DNTT: variants seen among roughly 807,000 people sequenced by gnomAD.
DNTT encodes nucleosidetriphosphate:DNA deoxynucleotidylexotransferase.
In DNTT, 47 loss-of-function variants were observed where a neutral mutation model predicts 60.9. The observed-to-expected ratio is 0.77, with a 90% CI of 0.61 to 0.98. DNTT has a LOEUF of 0.98. Among genes scored for constraint, DNTT ranks in the 50% least tolerant of loss-of-function variants. The probability of loss-of-function intolerance (pLI) is 0.00; values close to 1 mark genes in which losing one functional copy is unlikely to be tolerated. For missense variants in DNTT, 665 were observed against 627.5 expected, an observed-to-expected ratio of 1.06 and a Z score of -0.64; for synonymous variants, 224 against 221.2, an observed-to-expected ratio of 1.01 and a Z score of -0.11.
At position 96,329,995 on chromosome 10, in the gene DNTT, G is replaced by C. The variant is rs139043369; in HGVS notation, c.1113+1165G>C. ...CCTCCTCCTAGTCAGGAGTTTCTCA[G>C]TGTCCAGTAGGAAAAATAAAAGAAC... is the stretch of plus-strand genomic sequence containing the variant. On this transcript the variant is annotated intron_variant, in intron 8 of 10. Coordinates refer to ENST00000371174, the MANE Select transcript of DNTT (RefSeq NM_004088.4). 4.5e-4 allele frequency among the ~76,000 whole-genome samples: 69 copies of C among 152,318 alleles called. No individual in the cohort carries two copies. The East Asian group carries it at 0.012, about 27-fold the overall frequency.
chr10:96,320,933 CCT>C (rs1844862592), intron 4 of DNTT, 145 bp downstream of exon 4: 1 of 689,800 alleles, frequency 1.4e-6, no homozygotes, highest in Non-Finnish European at 2.1e-6. Context: ...CTCTCTCTCT[CCT>C]CTGTCTCTCT....
chr10:96,319,210 C>A, intron 2 of DNTT, 52 bp from the exon 3 acceptor site: 1 of 1,591,922 alleles, frequency 6.3e-7, no homozygotes, highest in Non-Finnish European at 8.6e-7. Context: ...CCGTACATAT[C>A]TGTTATTACT....
rs957253671 is a variant in DNTT, at chr10:96,317,507, G to T, written c.204-845G>T. 2.0e-5 allele frequency among the ~76,000 whole-genome samples: 3 copies of T among 152,146 alleles called. No individual in the cohort carries two copies. The South Asian group carries it at 6.2e-4, about 32-fold the overall frequency. The stretch of plus-strand genomic sequence containing the variant: ...AAACTGTGAGATCATTTAATGGGGT[G>T]TTTCTATGGTCTGAATATTTGTGTC... On this transcript the variant is annotated intron_variant, in intron 1 of 10. Coordinates refer to ENST00000371174, the MANE Select transcript of DNTT (RefSeq NM_004088.4).
chr10:96,316,882 T>G (rs1844793082), intron 1 of DNTT, among the ~76,000 whole-genome samples: 2 of 152,170 alleles, frequency 1.3e-5, no homozygotes, highest in Admixed American at 1.3e-4. Flanking sequence ...CCCAACCTCC[T>G]CCTACTACCA....
chr10:96,319,241 G>C (rs1424012112), intron 2 of DNTT, 21 bp from the exon 3 acceptor site: 1 of 1,607,428 alleles, frequency 6.2e-7, no homozygotes, highest in Middle Eastern at 1.7e-4. Flanking sequence ...ATTGAAAATG[G>C]ATGCTTATGC....
chr10:96,314,409 T>G, intron 1 of DNTT, among the ~76,000 whole-genome samples: 1 of 81,328 alleles, frequency 1.2e-5, no homozygotes, highest in South Asian at 5.0e-4. Flanking sequence ...TCCCTTTTTT[T>G]TTTTTTTTTT....
intron 3 of DNTT, 100 bp from the exon 4 acceptor site, chr10:96,320,518 G>T (rs1450018927): frequency 1.5e-6 from 2 of 1,358,976 alleles, no homozygotes; most frequent in Non-Finnish European, 2.0e-6. Flanking sequence ...ACACGCAAGT[G>T]GTATTCCAAT....
chr10:96,330,791 G>A (rs1844998271), intron 8 of DNTT, among the ~76,000 whole-genome samples: 2 of 152,134 alleles, frequency 1.3e-5, no homozygotes, highest in African/African-American at 4.8e-5. Context: ...TGTCAGAAAT[G>A]CCCTCCCTGC....
intron 1 of DNTT, among the ~76,000 whole-genome samples, chr10:96,310,141 C>T (rs185129871): frequency 1.3e-5 from 2 of 152,322 alleles, no homozygotes; most frequent in African/African-American, 4.8e-5. Flanking sequence ...TACTACCCCT[C>T]AGGGGCACAC....
chr10:96,318,281 C>T (rs1283111897), intron 1 of DNTT, 71 bp from the exon 2 acceptor site: 1 of 1,532,066 alleles, frequency 6.5e-7, no homozygotes, highest in Non-Finnish European at 8.8e-7. Flanking sequence ...TGCTCAGAAA[C>T]CTTGAGGAAA....
intron 1 of DNTT, among the ~76,000 whole-genome samples, chr10:96,309,994 C>T (rs1019949689): frequency 2.0e-5 from 3 of 152,170 alleles, no homozygotes; most frequent in African/African-American, 4.8e-5. Flanking sequence ...GAGGTAACTC[C>T]GACTTTCAGA....
chr10:96,308,439 C>G (rs944220351), intron 1 of DNTT, among the ~76,000 whole-genome samples: 6 of 152,184 alleles, frequency 3.9e-5, no homozygotes, highest in Non-Finnish European at 7.4e-5. Flanking sequence ...TGGCTAACTT[C>G]CTAAATTTTA....
chr10:96,317,939 G>C (rs1300157512), intron 1 of DNTT, among the ~76,000 whole-genome samples: 1 of 152,140 alleles, frequency 6.6e-6, no homozygotes, highest in Non-Finnish European at 1.5e-5. Flanking sequence ...AATATAAAAC[G>C]TATTTCTAAC....
intron 5 of DNTT, among the ~76,000 whole-genome samples, chr10:96,323,879 TC>T (rs1318754057): frequency 1.3e-5 from 2 of 152,144 alleles, no homozygotes; most frequent in African/African-American, 4.8e-5. Context: ...CATGAGCATC[TC>T]TTTTCAAAAT....
At chr10:96,313,068 C>A (rs1844739157) in intron 1 of DNTT, among the ~76,000 whole-genome samples, 1 of 152,180 alleles carries the variant, frequency 6.6e-6, no homozygotes, top group African/African-American at 2.4e-5. Context: ...GACCCTGAAT[C>A]TTCTTCCCTG....
chr10:96,336,111 T>G, intron 10 of DNTT, 137 bp downstream of exon 10: 1 of 835,886 alleles, frequency 1.2e-6, no homozygotes, highest in Non-Finnish European at 2.0e-6. Context: ...TTCATCATAG[T>G]TGAGGGCAGC....
At chr10:96,310,285 T>A (rs1172900466) in intron 1 of DNTT, among the ~76,000 whole-genome samples, 1 of 152,276 alleles carries the variant, frequency 6.6e-6, no homozygotes, top group African/African-American at 2.4e-5. Flanking sequence ...AGTGTCCAGC[T>A]TTGTTAATCT....
intron 9 of DNTT, among the ~76,000 whole-genome samples, chr10:96,335,014 G>A (rs1845050035): frequency 6.6e-6 from 1 of 152,178 alleles, no homozygotes. Flanking sequence ...AACAAATAAA[G>A]GACTTCTGAT....
Position 96,320,611 on chromosome 10 carries a change from C to A in DNTT, c.508-7C>A, listed in dbSNP as rs1844857484. 1 of 1,613,166 alleles carries A rather than the reference C, an allele frequency of 6.2e-7. No individual in the cohort carries two copies. Among genetic ancestry groups the A allele is most frequent in the Non-Finnish European group, 8.5e-7 (1 of 1,179,442 alleles). The stretch of plus-strand genomic sequence containing the variant: ...AAATCTCCTGCTTATCTGGTTTTAT[C>A]CTGCAGGATGCCTTTGATATACTGG... On this transcript the variant is annotated splice_region_variant and splice_polypyrimidine_tract_variant and intron_variant, in intron 3 of 10. Transcript: ENST00000371174.
Sources: allele counts gnomAD v4.1 joint callset (sites outside exome capture counted in the v4.1 genomes callset), GRCh38; gene constraint gnomAD v4.1.1; transcripts MANE v1.5; gene names NCBI Gene and HGNC (gene_info 2026-07-23, HGNC 2026-07-21).